TNFSF12: variants seen among roughly 807,000 people sequenced by gnomAD.
The protein encoded by TNFSF12 is tumor necrosis factor ligand superfamily member 12.
A neutral mutation model predicts 31.2 loss-of-function variants in TNFSF12; 16 were observed. The ratio of observed to expected loss-of-function variants is 0.51; its 90% confidence interval spans 0.35 to 0.78. TNFSF12 has a LOEUF of 0.78. Among genes scored for constraint, TNFSF12 ranks in the 30% least tolerant of loss-of-function variants. The pLI is 0.01. For synonymous variants in TNFSF12, 150 were observed against 151.4 expected (o/e 0.99, Z 0.07); for missense variants, 324 against 338.8 (o/e 0.96, Z 0.34).
At position 7,549,355 on chromosome 17, in the gene TNFSF12, T is replaced by A; in HGVS notation, c.159+43T>A. The A allele has an allele frequency of 7.1e-7, 1 of 1,417,036 alleles. No individual in the cohort carries two copies. The highest frequency in any genetic ancestry group is 9.3e-7 in the Non-Finnish European group (1 of 1,075,584). The allele number at this position is 1,417,036 out of a possible 1,614,324, so 87.8% of individuals were successfully genotyped here. A position where few individuals can be genotyped will look rare whatever the true frequency, so the allele number is the denominator to read the frequency against. ...ACCCCTTCTTGGGCACATCAGGAGC[T>A]GAGACTGCAGAGGGGCCGCTGGGGG... is the stretch of plus-strand genomic sequence containing the variant. On this transcript the variant is annotated intron_variant, in intron 1 of 6. Coordinates refer to ENST00000293825, the MANE Select transcript of TNFSF12 (RefSeq NM_003809.3). This position sits in a 1 kb window ranked among gnomAD's most constrained non-coding sequence, Gnocchi z 4.1.
chr17:7,557,122 T>G lies in TNFSF12; in HGVS notation c.522T>G (p.Ala174=). 1 of 1,613,502 alleles carries G rather than the reference T, an allele frequency of 6.2e-7. No individual in the cohort carries two copies. Among genetic ancestry groups the G allele is most frequent in the Non-Finnish European group, 8.5e-7 (1 of 1,179,722 alleles). The part of the protein sequence containing the change: ...YCQVHFDEGK[A]VYLKLDLLVD... Reference sequence around the variant, plus strand: ...AGGTGCACTTTGATGAGGGGAAGGCTGTCTACCTGAAGCTGGACTTGCTGG... The same window carrying G: ...AGGTGCACTTTGATGAGGGGAAGGCGGTCTACCTGAAGCTGGACTTGCTGG... The change falls in exon 7 of 7, where the codon GCT becomes GCG. Residue 174 remains alanine, a synonymous_variant. Coordinates refer to ENST00000293825, the MANE Select transcript of TNFSF12 (RefSeq NM_003809.3). The surrounding 1 kb of genome is among the most constrained non-coding windows in gnomAD (Gnocchi z 5.2).
In TNFSF12 at chr17:7,557,029, C is replaced by T. The variant is rs953801107; in HGVS notation, c.499-70C>T. ...TTTGGGTGGGATGGGATGCCTGCGT[C>T]GCTGAGGAAATTGGAAATTGAGGCG... On this transcript the variant is annotated intron_variant, in intron 6 of 6. Coordinates refer to ENST00000293825, the MANE Select transcript of TNFSF12 (RefSeq NM_003809.3). This position sits in a 1 kb window ranked among gnomAD's most constrained non-coding sequence, Gnocchi z 5.2. The T allele has an allele frequency of 3.2e-6, 5 of 1,549,930 alleles. No homozygotes were observed. The highest frequency in any genetic ancestry group is 2.3e-5 in the East Asian group (1 of 44,030).
At chr17:7,555,973 G>GTTTTTTTGTTTTTTTT (rs2071057339) in intron 5 of TNFSF12, among the ~76,000 whole-genome samples, 1 of 70,878 alleles carries the variant, frequency 1.4e-5, no homozygotes, top group African/African-American at 5.7e-5. Context: ...CCCAGTGAGC[G>GTTTTTTTGTTTTTTTT]TTTTTTTTGT....
rs2070968179 is a variant in TNFSF12, at chr17:7,549,148, G to A, written c.-6G>A. 2.4e-6 allele frequency: 3 copies of A among 1,265,856 alleles called. No homozygotes were observed. The highest frequency in any genetic ancestry group is 4.3e-5 in the Admixed American group (1 of 23,366). 78.4% of individuals were successfully genotyped at this position (1,265,856 alleles called of 1,614,324 possible). A position where few individuals can be genotyped will look rare whatever the true frequency, so the allele number is the denominator to read the frequency against. On this transcript the variant is annotated 5_prime_UTR_variant, in exon 1 of 7. Coordinates refer to ENST00000293825, the MANE Select transcript of TNFSF12 (RefSeq NM_003809.3). The surrounding 1 kb of genome is among the most constrained non-coding windows in gnomAD (Gnocchi z 4.1). ...GGCGGTGAGGCAGGCACAGCCCCCC[G>A]CCCCCATGGCCGCCCGTCGGAGCCA...
At position 7,557,584 on chromosome 17, in the gene TNFSF12, C is replaced by T. The variant is rs1167006520; in HGVS notation, c.*234C>T. ...CTCCACCTCACTAGCTCCCCAATCC[C>T]TGACCCTTTGAGGCCCCCAGTGATC... On this transcript the variant is annotated 3_prime_UTR_variant, in exon 7 of 7. Coordinates refer to ENST00000293825, the MANE Select transcript of TNFSF12 (RefSeq NM_003809.3). This position sits in a 1 kb window ranked among gnomAD's most constrained non-coding sequence, Gnocchi z 5.2. 2 of 591,912 alleles carry T rather than the reference C, an allele frequency of 3.4e-6. No individual in the cohort carries two copies. The highest frequency in any genetic ancestry group is 2.5e-5 in the South Asian group (1 of 40,520). 36.7% of individuals were successfully genotyped at this position (591,912 alleles called of 1,614,324 possible).
rs144468031 is a variant in TNFSF12 at position 7,550,958 on chromosome 17, G to A, written c.353G>A (p.Gly118Glu). Reference protein sequence around the residue: ...AAHYEVHPRPGQDGAQAGVDG... With the variant: ...AAHYEVHPRPEQDGAQAGVDG... ...TACTTTACAGTTCATCCACGACCTG[G>A]ACAGGACGGAGCGCAGGCAGGTGAG... The change falls in exon 5 of 7, where the codon GGA becomes GAA. Residue 118 changes from glycine to glutamate, a missense_variant. Physicochemically the swap from Gly to Glu is moderately conservative, Grantham distance 98. Transcript: ENST00000293825. This position sits in a 1 kb window ranked among gnomAD's most constrained non-coding sequence, Gnocchi z 4.4. The A allele has an allele frequency of 3.7e-4, 602 of 1,613,984 alleles. No individual in the cohort carries two copies. The highest frequency in any genetic ancestry group is 4.9e-4 in the Non-Finnish European group (584 of 1,180,032).
rs773100194 is a variant in TNFSF12 at position 7,556,812 on chromosome 17, C to T, written c.408C>T (p.Ala136=). Residue 136 remains alanine, a synonymous_variant, in exon 6 of 7, where the codon GCC becomes GCT. Transcript: ENST00000293825. ...GGACAGTGAGTGGCTGGGAGGAAGC[C>T]AGAATCAACAGCTCCAGCCCTCTGC... ...VDGTVSGWEE[A]RINSSSPLRY... The T allele has an allele frequency of 3.0e-5, 47 of 1,548,582 alleles. No individual in the cohort carries two copies. In the East Asian group the frequency reaches 1.0e-3, roughly 33 times the overall value.
intron 5 of TNFSF12, among the ~76,000 whole-genome samples, chr17:7,554,585 G>C (rs2071038502): frequency 6.7e-6 from 1 of 149,880 alleles, no homozygotes; most frequent in Non-Finnish European, 1.5e-5. Context: ...AAAGTGCTGG[G>C]ATTACAGGCG....
rs200313193 is a variant in TNFSF12 at position 7,556,730 on chromosome 17, G to A, written c.374-48G>A. The A allele has an allele frequency of 1.3e-4, 186 of 1,436,490 alleles. 1 individual carries two copies. Among genetic ancestry groups the A allele is most frequent in the Admixed American group, 7.9e-4 (30 of 37,832 alleles). The allele number at this position is 1,436,490 out of a possible 1,614,324, so 89.0% of individuals were successfully genotyped here. ...TCAATGGATCCCTGGGGAGTGTGGG[G>A]GAGTCCTGTAGAGAGACGTTTCCTT... On this transcript the variant is annotated intron_variant, in intron 5 of 6. Transcript: ENST00000293825.
Position 7,550,721 on chromosome 17 carries a change from G to A in TNFSF12, c.284-78G>A. 1 of 1,560,014 alleles carries A rather than the reference G, an allele frequency of 6.4e-7. No individual in the cohort carries two copies. ...AATAAGGATGCCAGGGTTCCTGAGA[G>A]GGGAATGGGGCTGGGAGAGTTGCTC... On this transcript the variant is annotated intron_variant, in intron 3 of 6. Coordinates refer to ENST00000293825, the MANE Select transcript of TNFSF12 (RefSeq NM_003809.3). The surrounding 1 kb of genome is among the most constrained non-coding windows in gnomAD (Gnocchi z 4.4).
intron 5 of TNFSF12, chr17:7,553,713 G>A (rs2071026716): frequency 2.3e-6 from 3 of 1,292,188 alleles, no homozygotes; most frequent in African/African-American, 1.5e-5. Flanking sequence ...TGGTGCAGGG[G>A]TGAGGGGTCC....
chr17:7,557,086 G>T lies in TNFSF12; in HGVS notation c.499-13G>T. On this transcript the variant is annotated splice_polypyrimidine_tract_variant and intron_variant, in intron 6 of 6. Transcript: ENST00000293825. The surrounding 1 kb of genome is among the most constrained non-coding windows in gnomAD (Gnocchi z 5.2). The stretch of plus-strand genomic sequence containing the variant: ...GGCAGAGGCCTGGACTCGGCCTGTT[G>T]TCCCCACCCCAGGTGCACTTTGATG... 2 of 1,603,880 alleles carry T rather than the reference G, an allele frequency of 1.2e-6. No homozygotes were observed. The highest frequency in any genetic ancestry group is 1.7e-6 in the Non-Finnish European group (2 of 1,172,786).
intron 5 of TNFSF12, among the ~76,000 whole-genome samples, chr17:7,555,265 A>T (rs12937543): frequency 0.42 from 64,443 of 151,912 alleles, 15,302 homozygotes; most frequent in Non-Finnish European, 0.55. Context: ...CTCTCCCTGC[A>T]TCGCAAGGTG....
chr17:7,552,327 CT>C (rs930416946), intron 5 of TNFSF12, among the ~76,000 whole-genome samples: 10,807 of 128,742 alleles, frequency 0.084, 303 homozygotes, highest in East Asian at 0.11. Context: ...ATATGGATGG[CT>C]TTTTTTTTTT....
Position 7,550,904 on chromosome 17 carries a change from T to C in TNFSF12, c.338-39T>C, listed in dbSNP as rs753033519. The C allele has an allele frequency of 2.5e-6, 4 of 1,613,368 alleles. No homozygotes were observed. Among genetic ancestry groups the C allele is most frequent in the East Asian group, 2.2e-5 (1 of 44,838 alleles). ...GAGGAGAGGGGCAGGTGGCAGAGGG[T>C]CAGGGCAGGTCTCACCAGCCTTTTC... On this transcript the variant is annotated intron_variant, in intron 4 of 6. Coordinates refer to ENST00000293825, the MANE Select transcript of TNFSF12 (RefSeq NM_003809.3). The surrounding 1 kb of genome is among the most constrained non-coding windows in gnomAD (Gnocchi z 4.4).
chr17:7,550,764 C>A lies in TNFSF12; in HGVS notation c.284-35C>A. The A allele has an allele frequency of 6.3e-7, 1 of 1,596,256 alleles. No individual in the cohort carries two copies. Reference sequence around the variant, plus strand: ...AGTTGCTCTGGGACCCCCACTAGGGCCCGCTTTGCTCATCTGTCTTTCCTT... The same window carrying A: ...AGTTGCTCTGGGACCCCCACTAGGGACCGCTTTGCTCATCTGTCTTTCCTT... On this transcript the variant is annotated intron_variant, in intron 3 of 6. Transcript: ENST00000293825. This position sits in a 1 kb window ranked among gnomAD's most constrained non-coding sequence, Gnocchi z 4.4.
At chr17:7,555,973 G>GTGTTTTTTTTTTTTT (rs1445369237) in intron 5 of TNFSF12, among the ~76,000 whole-genome samples, 2 of 70,906 alleles carry the variant, frequency 2.8e-5, no homozygotes. Flanking sequence ...CCCAGTGAGC[G>GTGTTTTTTTTTTTTT]TTTTTTTTGT....
chr17:7,553,553 A>T, intron 5 of TNFSF12: 1 of 1,066,790 alleles, frequency 9.4e-7, no homozygotes, highest in African/African-American at 1.6e-5. Flanking sequence ...AACAGCCCTA[A>T]AAGGAAGATA....
At chr17:7,553,331 G>A (rs975834871) in intron 5 of TNFSF12, among the ~76,000 whole-genome samples, 1 of 152,158 alleles carries the variant, frequency 6.6e-6, no homozygotes, top group African/African-American at 2.4e-5. Context: ...TTACAAGCAT[G>A]AGCCACTGCA....
Sources: gnomAD v4.1 joint callset for allele counts (sites outside exome capture counted in the v4.1 genomes callset) on GRCh38, gnomAD v4.1.1 for gene constraint, Gnocchi (gnomAD v3.1) non-coding constraint, MANE v1.5 for transcripts, NCBI Gene and HGNC (gene_info 2026-07-23, HGNC 2026-07-21) for gene names.